NUAK1: variants seen among roughly 807,000 people sequenced by gnomAD.
NUAK1 encodes the protein NUAK family SNF1-like kinase 1.
NUAK1 carries 26 observed loss-of-function variants against 56.9 expected under a neutral mutation model. The observed-to-expected ratio is 0.46, with a 90% CI of 0.33 to 0.63. The LOEUF is 0.63. NUAK1 is among the 30% of genes least tolerant of loss of function. The pLI, the probability that NUAK1 is intolerant of heterozygous loss-of-function variation, is 0.02. For synonymous variants in NUAK1, 337 were observed against 336.0 expected, an observed-to-expected ratio of 1.00 and a Z score of -0.03; for missense variants, 727 against 876.1, an observed-to-expected ratio of 0.83 and a Z score of 2.15.
chr12:106,121,954 A>G (rs2032982222), intron 1 of NUAK1, among the ~76,000 whole-genome samples: 1 of 152,186 alleles, frequency 6.6e-6, no homozygotes, highest in African/African-American at 2.4e-5. Flanking sequence ...CCAATCTTAA[A>G]GATTTTCTTT....
chr12:106,070,715 G>C, intron 6 of NUAK1, 59 bp downstream of exon 6: 1 of 1,600,514 alleles, frequency 6.2e-7, no homozygotes. Flanking sequence ...GAAAATAAGA[G>C]TTGGGTAAGC....
chr12:106,071,178 C>T (rs1354713591), intron 5 of NUAK1, among the ~76,000 whole-genome samples: 1 of 152,218 alleles, frequency 6.6e-6, no homozygotes, highest in Non-Finnish European at 1.5e-5. Flanking sequence ...TTAATCCTCA[C>T]TACAATTTTG....
At chr12:106,069,605 C>A (rs569852790) in intron 6 of NUAK1, among the ~76,000 whole-genome samples, 2 of 152,228 alleles carry the variant, frequency 1.3e-5, no homozygotes, top group South Asian at 2.1e-4. Context: ...AACAGAGACA[C>A]ACATAAAACA....
chr12:106,108,813 A>C (rs181539985), intron 1 of NUAK1, among the ~76,000 whole-genome samples: 1 of 152,186 alleles, frequency 6.6e-6, no homozygotes, highest in Non-Finnish European at 1.5e-5. Flanking sequence ...AGGGTAAAAA[A>C]ATAGGCCCAC....
chr12:106,071,871 C>T (rs1191648105), intron 5 of NUAK1, among the ~76,000 whole-genome samples: 2 of 152,134 alleles, frequency 1.3e-5, no homozygotes, highest in South Asian at 4.1e-4. Flanking sequence ...TTCAGCCCTG[C>T]CCCCAAACAC....
chr12:106,077,428 G>A (rs2032475609), intron 4 of NUAK1, among the ~76,000 whole-genome samples: 1 of 152,200 alleles, frequency 6.6e-6, no homozygotes, highest in South Asian at 2.1e-4. Flanking sequence ...TGGTTTGGCC[G>A]ACTTAACAAT....
chr12:106,085,390 G>C (rs966735110), intron 3 of NUAK1, among the ~76,000 whole-genome samples: 2 of 152,216 alleles, frequency 1.3e-5, no homozygotes, highest in African/African-American at 4.8e-5. Context: ...TTTTAGATTT[G>C]AGTAACTGTT....
chr12:106,103,702 T>C (rs1167801975), intron 2 of NUAK1, among the ~76,000 whole-genome samples: 1 of 152,216 alleles, frequency 6.6e-6, no homozygotes, highest in Non-Finnish European at 1.5e-5. Flanking sequence ...TCTTGAATTG[T>C]AGTTCCCATA....
chr12:106,128,718 C>T (rs374545122), intron 1 of NUAK1, among the ~76,000 whole-genome samples: 9 of 152,254 alleles, frequency 5.9e-5, no homozygotes, highest in Admixed American at 1.3e-4. Flanking sequence ...GCCAAACAGA[C>T]GAAAGTTGAG....
At chr12:106,113,311 C>T (rs1254233097) in intron 1 of NUAK1, among the ~76,000 whole-genome samples, 7 of 152,084 alleles carry the variant, frequency 4.6e-5, no homozygotes, top group South Asian at 2.1e-4. Context: ...AAAAGGCCAC[C>T]GGAAAGTTCG....
At chr12:106,089,117 G>A (rs1291444470) in intron 2 of NUAK1, among the ~76,000 whole-genome samples, 1 of 152,286 alleles carries the variant, frequency 6.6e-6, no homozygotes, top group African/African-American at 2.4e-5. Flanking sequence ...ACTGCCTCGG[G>A]ATGCATGGCC....
At chr12:106,124,655 C>T (rs557418001) in intron 1 of NUAK1, among the ~76,000 whole-genome samples, 1 of 152,312 alleles carries the variant, frequency 6.6e-6, no homozygotes, top group African/African-American at 2.4e-5. Context: ...TCATCTGTCT[C>T]ACCATGGCTG....
Position 106,109,531 on chromosome 12 carries a change from T to C in NUAK1, c.241-3006A>G, listed in dbSNP as rs543424845. ...GGACCCAGGGAGCTAAGAATGATTG[T>C]CATATTGTTTAAGGGTTGTTAAGGA... On this transcript the variant is annotated intron_variant, in intron 1 of 6. Transcript: ENST00000261402. 2.7e-5 allele frequency among the ~76,000 whole-genome samples: 4 copies of C among 147,378 alleles called. No homozygotes were observed. In the South Asian group the frequency reaches 8.7e-4, roughly 32 times the overall value.
At chr12:106,070,693 A>G in intron 6 of NUAK1, 81 bp downstream of exon 6, 1 of 1,564,292 alleles carries the variant, frequency 6.4e-7, no homozygotes, top group Non-Finnish European at 8.8e-7. Context: ...CAGACATACT[A>G]AAACAAAAGC....
intron 1 of NUAK1, among the ~76,000 whole-genome samples, chr12:106,127,596 G>A (rs1377584504): frequency 6.6e-6 from 1 of 152,112 alleles, no homozygotes; most frequent in Non-Finnish European, 1.5e-5. Context: ...GGGAAGGCGA[G>A]CAGACCTCCC....
intron 2 of NUAK1, among the ~76,000 whole-genome samples, chr12:106,088,293 C>A (rs994882335): frequency 6.6e-6 from 1 of 152,166 alleles, no homozygotes; most frequent in Admixed American, 6.5e-5. Context: ...TACCCAAGAC[C>A]CTCCCTGAAG....
intron 2 of NUAK1, among the ~76,000 whole-genome samples, chr12:106,101,279 A>G (rs979033118): frequency 3.9e-5 from 6 of 152,218 alleles, no homozygotes; most frequent in African/African-American, 1.4e-4. Flanking sequence ...CAAGAAAACA[A>G]AGGGGACCAG....
chr12:106,067,970 A>G lies in NUAK1; in HGVS notation c.833-15T>C. ...TCCTCGAGCATCTAAGGGACAAGGGACAAAAAGAATCGGGCATTATGTGGG... is the reference window on the plus strand; with the variant it reads ...TCCTCGAGCATCTAAGGGACAAGGGGCAAAAAGAATCGGGCATTATGTGGG... On this transcript the variant is annotated splice_polypyrimidine_tract_variant and intron_variant, in intron 6 of 6. Transcript: ENST00000261402. The surrounding 1 kb of genome is among the most constrained non-coding windows in gnomAD (Gnocchi z 6.0). 2.5e-6 allele frequency: 4 copies of G among 1,584,558 alleles called. No individual in the cohort carries two copies. The highest frequency in any genetic ancestry group is 1.3e-5 in the African/African-American group (1 of 74,238).
chr12:106,094,630 AC>A (rs1196621662), intron 2 of NUAK1, among the ~76,000 whole-genome samples: 1 of 152,172 alleles, frequency 6.6e-6, no homozygotes, highest in Non-Finnish European at 1.5e-5. Context: ...ACAACAAAAG[AC>A]TTTTTTGTTC....
Sources: allele counts gnomAD v4.1 joint callset (sites outside exome capture counted in the v4.1 genomes callset), GRCh38; gene constraint gnomAD v4.1.1; non-coding constraint Gnocchi (gnomAD v3.1); transcripts MANE v1.5; gene names NCBI Gene and HGNC (gene_info 2026-07-23, HGNC 2026-07-21).